SND1: variants seen among roughly 807,000 people sequenced by gnomAD.
The protein encoded by SND1 is staphylococcal nuclease and tudor domain containing 1.
In SND1, 38 loss-of-function variants were observed where a neutral mutation model predicts 121.7. The ratio of observed to expected loss-of-function variants is 0.31; its 90% CI spans 0.24 to 0.41. The LOEUF (loss-of-function observed/expected upper bound fraction) is 0.41, where lower values mean the gene tolerates loss of function less well. Ranked by LOEUF, SND1 falls within the 10% of genes least tolerant of loss-of-function variation. The pLI is 1.00. For missense variants in SND1, 868 were observed against 1,184.6 expected (o/e 0.73, Z 3.92); for synonymous variants, 401 against 447.4 (o/e 0.90, Z 1.31).
At chr7:127,681,516 T>C (rs1256554106) in intron 1 of SND1, among the ~76,000 whole-genome samples, 1 of 152,230 alleles carries the variant, frequency 6.6e-6, no homozygotes, top group Non-Finnish European at 1.5e-5. Flanking sequence ...TATTTATTTT[T>C]AAGTTGCTTG....
chr7:128,034,137 C>T (rs1792704683), intron 16 of SND1, among the ~76,000 whole-genome samples: 1 of 152,108 alleles, frequency 6.6e-6, no homozygotes, highest in Non-Finnish European at 1.5e-5. Flanking sequence ...GTTTTCATCA[C>T]TAACAGGAAT....
chr7:127,662,663 GT>G (rs1400429736), intron 1 of SND1, among the ~76,000 whole-genome samples: 2 of 152,098 alleles, frequency 1.3e-5, no homozygotes, highest in South Asian at 2.1e-4. Context: ...TTACTCAATA[GT>G]TTTTTTGTTT....
At chr7:127,892,231 A>C (rs1466940574) in intron 13 of SND1, among the ~76,000 whole-genome samples, 1 of 152,124 alleles carries the variant, frequency 6.6e-6, no homozygotes, top group African/African-American at 2.4e-5. Context: ...AGGGCTCTGC[A>C]GCCCCTACTT....
intron 16 of SND1, among the ~76,000 whole-genome samples, chr7:127,993,203 T>C (rs1044147423): frequency 1.2e-4 from 19 of 152,260 alleles, no homozygotes; most frequent in Non-Finnish European, 2.8e-4. Context: ...ACATTTCCTT[T>C]ATATTATATA....
At chr7:127,925,761 A>C (rs957668639) in intron 14 of SND1, among the ~76,000 whole-genome samples, 32 of 151,696 alleles carry the variant, frequency 2.1e-4, no homozygotes, top group Non-Finnish European at 4.0e-4. Flanking sequence ...ACCCTGCTAT[A>C]CCCAACTAAT....
At chr7:127,800,861 A>T (rs1468430280) in intron 10 of SND1, among the ~76,000 whole-genome samples, 1 of 152,192 alleles carries the variant, frequency 6.6e-6, no homozygotes, top group Non-Finnish European at 1.5e-5. Context: ...TTTGCTGCTT[A>T]CATAGCTCTA....
At chr7:127,718,823 C>T (rs937057905) in intron 9 of SND1, 5 of 787,026 alleles carry the variant, frequency 6.4e-6, no homozygotes, top group Non-Finnish European at 4.6e-6. Flanking sequence ...GAGCAGAAAA[C>T]GTCTAGATAT....
intron 11 of SND1, among the ~76,000 whole-genome samples, chr7:127,833,160 G>A (rs561596111): frequency 5.1e-4 from 78 of 151,974 alleles, no homozygotes; most frequent in African/African-American, 1.6e-3. Context: ...TATGACAACC[G>A]GAGACTTCTG....
chr7:127,870,698 C>T (rs1334090097), intron 12 of SND1, among the ~76,000 whole-genome samples: 3 of 152,086 alleles, frequency 2.0e-5, no homozygotes, highest in African/African-American at 7.2e-5. Context: ...CCGGAAGTTG[C>T]TTTGGGTGAA....
intron 1 of SND1, among the ~76,000 whole-genome samples, chr7:127,661,709 T>C (rs542394942): frequency 1.5e-4 from 23 of 152,308 alleles, no homozygotes; most frequent in African/African-American, 5.5e-4. Context: ...TATCCTGGAA[T>C]TCCTTCAGAG....
At chr7:128,040,255 C>T (rs995221951) in intron 16 of SND1, among the ~76,000 whole-genome samples, 9 of 151,096 alleles carry the variant, frequency 6.0e-5, no homozygotes, top group African/African-American at 1.9e-4. Context: ...CCTTGAAACA[C>T]GGGGTGTGTC....
intron 2 of SND1, among the ~76,000 whole-genome samples, chr7:127,690,977 A>G (rs2116316586): frequency 6.6e-6 from 1 of 152,316 alleles, no homozygotes. Flanking sequence ...GTATGCCCCC[A>G]GCCATCTCTT....
At chr7:127,864,453 G>A (rs1799432072) in intron 12 of SND1, among the ~76,000 whole-genome samples, 1 of 151,784 alleles carries the variant, frequency 6.6e-6, no homozygotes, top group South Asian at 2.1e-4. Context: ...TTGAATCTGT[G>A]AGCATGTCCT....
intron 11 of SND1, among the ~76,000 whole-genome samples, chr7:127,812,464 C>T (rs1335391937): frequency 1.3e-5 from 2 of 152,186 alleles, no homozygotes; most frequent in East Asian, 3.9e-4. Context: ...AATGTGAAGT[C>T]CTCGATAACA....
chr7:127,939,119 AGGC>A (rs1011093923), intron 15 of SND1, among the ~76,000 whole-genome samples: 7 of 152,250 alleles, frequency 4.6e-5, no homozygotes, highest in Admixed American at 1.3e-4. Flanking sequence ...GCTGTCAAAA[AGGC>A]TGTTTCAAAA....
At chr7:127,827,512 A>G (rs1798663763) in intron 11 of SND1, among the ~76,000 whole-genome samples, 1 of 152,072 alleles carries the variant, frequency 6.6e-6, no homozygotes, top group Non-Finnish European at 1.5e-5. Context: ...TAACTCTTGT[A>G]TTGTCATTGT....
At chr7:127,732,861 C>T (rs1034275635) in intron 10 of SND1, among the ~76,000 whole-genome samples, 2 of 152,178 alleles carry the variant, frequency 1.3e-5, no homozygotes, top group Admixed American at 1.3e-4. Context: ...ATGCTGCATG[C>T]TCATGGTATG....
intron 16 of SND1, chr7:127,997,728 G>A (rs1178919512): frequency 3.7e-6 from 2 of 534,184 alleles, no homozygotes; most frequent in African/African-American, 1.9e-5. Context: ...CGTAATTCGT[G>A]CCTTATCAGA....
At chr7:127,737,539 C>T (rs190612265) in intron 10 of SND1, among the ~76,000 whole-genome samples, 4 of 152,300 alleles carry the variant, frequency 2.6e-5, no homozygotes, top group Admixed American at 2.0e-4. Context: ...CACAACATTG[C>T]ACTCCAGCCT....
Sources: allele counts gnomAD v4.1 joint callset (sites outside exome capture counted in the v4.1 genomes callset), GRCh38; gene constraint gnomAD v4.1.1; transcripts MANE v1.5; gene names NCBI Gene and HGNC (gene_info 2026-07-23, HGNC 2026-07-21).